The following BNIP3 variants were observed in gnomAD, a reference collection of about 807,000 sequenced individuals.
BNIP3 encodes the protein BCL2/adenovirus E1B 19 kDa protein-interacting protein 3.
A neutral mutation model predicts 23.9 loss-of-function variants in BNIP3; 16 were observed. The ratio of observed to expected loss-of-function variants is 0.67; its 90% CI spans 0.45 to 1.01. The LOEUF (loss-of-function observed/expected upper bound fraction) is 1.01. BNIP3 is among the 50% of genes least tolerant of loss of function. The pLI is 0.00. For missense variants in BNIP3, 198 were observed against 248.7 expected, an observed-to-expected ratio of 0.80 and a Z score of 1.37; for synonymous variants, 81 against 89.3, an observed-to-expected ratio of 0.91 and a Z score of 0.53.
At chr10:131,973,512 G>A (rs771968459) in intron 2 of BNIP3, 5 of 510,632 alleles carry the variant, frequency 9.8e-6, no homozygotes, top group African/African-American at 7.6e-5. Flanking sequence ...CAGCCCCGCT[G>A]AGGCGCGTGA....
chr10:131,977,549 G>A (rs912902337), intron 1 of BNIP3, among the ~76,000 whole-genome samples: 6 of 152,162 alleles, frequency 3.9e-5, no homozygotes, highest in East Asian at 1.9e-4. Context: ...ATCTGGTGTC[G>A]GCTGAGGGCC....
At chr10:131,973,772 C>T in intron 2 of BNIP3, 21 bp downstream of exon 2, 1 of 1,611,360 alleles carries the variant, frequency 6.2e-7, no homozygotes, top group Admixed American at 1.7e-5. Flanking sequence ...GTAACACATA[C>T]ACTTGTTGAT....
At position 131,976,751 on chromosome 10, in the gene BNIP3, C is replaced by G. The variant is rs780553715; in HGVS notation, c.47-2808G>C. 3.3e-5 allele frequency among the ~76,000 whole-genome samples: 5 copies of G among 151,972 alleles called. No individual in the cohort carries two copies. Among genetic ancestry groups the G allele is most frequent in the African/African-American group, 4.8e-5 (2 of 41,380 alleles). ...CCCCTCCCCTCCTAGGAGGGGCTGC[C>G]CTGGGAATTTCTACCTCAAGTAACT... On this transcript the variant is annotated intron_variant, in intron 1 of 5. Coordinates refer to ENST00000368636, the MANE Select transcript of BNIP3 (RefSeq NM_004052.4). This position sits in a 1 kb window ranked among gnomAD's most constrained non-coding sequence, Gnocchi z 4.3.
chr10:131,970,536 C>G lies in BNIP3; in HGVS notation c.539+102G>C, dbSNP rs2037020340. ...TTTGTGAAAATGCACCAAGCTGTAA[C>G]TGATGATCTGGACTTCAGGAAACAG... On this transcript the variant is annotated intron_variant, in intron 5 of 5. Transcript: ENST00000368636. This position sits in a 1 kb window ranked among gnomAD's most constrained non-coding sequence, Gnocchi z 4.1. 3.4e-6 allele frequency: 5 copies of G among 1,449,326 alleles called. No homozygotes were observed. The highest frequency in any genetic ancestry group is 1.9e-6 in the Non-Finnish European group (2 of 1,077,494). 89.8% of individuals were successfully genotyped at this position (1,449,326 alleles called of 1,614,324 possible). A position where few individuals can be genotyped will look rare whatever the true frequency, so the allele number is the denominator to read the frequency against.
chr10:131,971,038 C>T, intron 3 of BNIP3, 68 bp from the exon 4 acceptor site: 1 of 1,424,372 alleles, frequency 7.0e-7, no homozygotes, highest in South Asian at 1.2e-5. Flanking sequence ...ACCCAGCTCC[C>T]ACCCGAGCTT....
rs1482334204 is a variant in BNIP3, at chr10:131,973,531, C to G, written c.197+262G>C. On this transcript the variant is annotated intron_variant, in intron 2 of 5. Transcript: ENST00000368636. The stretch of plus-strand genomic sequence containing the variant: ...CCCGCTGAGGCGCGTGAGTGCGTTT[C>G]TCAGAGTGGGGTTTGTGGCTGTTCC... 3 of 536,100 alleles carry G rather than the reference C, an allele frequency of 5.6e-6. No homozygotes were observed. The African/African-American group carries it at 5.7e-5, about 10-fold the overall frequency. 33.2% of individuals were successfully genotyped at this position (536,100 alleles called of 1,614,324 possible).
intron 2 of BNIP3, chr10:131,973,334 G>A: frequency 3.7e-6 from 2 of 541,190 alleles, no homozygotes; most frequent in Non-Finnish European, 6.6e-6. Context: ...GTCTTCCAGA[G>A]AAGACGCAGG....
In BNIP3 at chr10:131,970,756, C is replaced by T. The variant is rs1451737717; in HGVS notation, c.421G>A (p.Ala141Thr). The T allele has an allele frequency of 6.2e-7, 1 of 1,614,052 alleles. No homozygotes were observed. The highest frequency in any genetic ancestry group is 1.3e-5 in the African/African-American group (1 of 74,924). Residue 141 changes from alanine (A) to threonine (T), a missense_variant, in exon 5 of 6, where the codon GCC becomes ACC. Physicochemically the swap from Ala to Thr is moderately conservative, Grantham distance 58. Transcript: ENST00000368636. This position sits in a 1 kb window ranked among gnomAD's most constrained non-coding sequence, Gnocchi z 4.1. ...EFLFKHPKRT[A>T]TLSMRNTSVM... ...CTCGTGTTCCTCATGCTGAGGGTGG[C>T]CGTGCGCTTCGGGTGTTTAAAGAGG...
At chr10:131,975,061 G>A (rs2037069560) in intron 1 of BNIP3, among the ~76,000 whole-genome samples, 1 of 152,296 alleles carries the variant, frequency 6.6e-6, no homozygotes, top group South Asian at 2.1e-4. Context: ...TTTTAATTCA[G>A]TCAAATGCAG....
chr10:131,967,993 T>C lies in BNIP3; in HGVS notation c.*531A>G, dbSNP rs537730982. 1 of 152,872 alleles carries C rather than the reference T, an allele frequency of 6.5e-6. No homozygotes were observed. The highest frequency in any genetic ancestry group is 2.1e-4 in the South Asian group (1 of 4,846). The allele number at this position is 152,872 out of a possible 1,614,324, so 9.5% of individuals were successfully genotyped here. A position where few individuals can be genotyped will look rare whatever the true frequency, so the allele number is the denominator to read the frequency against. ...GCTCTATCTTGGTTTCTGTTGATTA[T>C]GAACAATTAGCATAGTTATATATAA... is the stretch of plus-strand genomic sequence containing the variant. On this transcript the variant is annotated 3_prime_UTR_variant, in exon 6 of 6. Transcript: ENST00000368636.
rs1396428602 is a variant in BNIP3 at position 131,970,988 on chromosome 10, T to G, written c.283-18A>C. On this transcript the variant is annotated intron_variant, in intron 3 of 5. Transcript: ENST00000368636. The surrounding 1 kb of genome is among the most constrained non-coding windows in gnomAD (Gnocchi z 4.1). ...TCCTCAGACTAAGATAAAGTCAATGTTAAAGGCAGATCAGTGTACCACACG... is the reference window on the plus strand; with the variant it reads ...TCCTCAGACTAAGATAAAGTCAATGGTAAAGGCAGATCAGTGTACCACACG... The G allele has an allele frequency of 6.2e-7, 1 of 1,608,282 alleles. No homozygotes were observed. Among genetic ancestry groups the G allele is most frequent in the Non-Finnish European group, 8.5e-7 (1 of 1,177,158 alleles).
chr10:131,981,915 T>A lies in BNIP3; in HGVS notation c.-109A>T. On this transcript the variant is annotated 5_prime_UTR_variant, in exon 1 of 6. Coordinates refer to ENST00000368636, the MANE Select transcript of BNIP3 (RefSeq NM_004052.4). ...TCGGAGCGCCGCGGCCCAGCTGCGC[T>A]CCCGGACTGAGCGGAGCCCCGCAGC... 5 of 1,273,524 alleles carry A rather than the reference T, an allele frequency of 3.9e-6. No homozygotes were observed. The highest frequency in any genetic ancestry group is 5.1e-6 in the Non-Finnish European group (5 of 989,932). 78.9% of individuals were successfully genotyped at this position (1,273,524 alleles called of 1,614,324 possible).
rs1371840543 is a variant in BNIP3, at chr10:131,976,601, C to G, written c.47-2658G>C. 6.6e-6 allele frequency among the ~76,000 whole-genome samples: 1 copy of G among 152,132 alleles called. No homozygotes were observed. Among genetic ancestry groups the G allele is most frequent in the Non-Finnish European group, 1.5e-5 (1 of 68,022 alleles). On this transcript the variant is annotated intron_variant, in intron 1 of 5. Transcript: ENST00000368636. The surrounding 1 kb of genome is among the most constrained non-coding windows in gnomAD (Gnocchi z 4.3). ...ATACAGCCCAGATCCCCACCTACCC[C>G]ACACGTCCCAACCCTAACCCCAACC...
chr10:131,968,752 T>C (rs1257488905), intron 5 of BNIP3, 183 bp from the exon 6 acceptor site: 2 of 522,710 alleles, frequency 3.8e-6, no homozygotes, highest in South Asian at 2.5e-5. Flanking sequence ...TATCAATATG[T>C]ATTTTGTATT....
In BNIP3 at chr10:131,981,896, C is replaced by G. The variant is rs45541140; in HGVS notation, c.-90G>C. The G allele has an allele frequency of 4.1e-3, 5,542 of 1,346,968 alleles. 174 individuals are homozygous for G. The African/African-American group carries it at 0.066, about 16-fold the overall frequency. The allele number at this position is 1,346,968 out of a possible 1,614,324, so 83.4% of individuals were successfully genotyped here. A position where few individuals can be genotyped will look rare whatever the true frequency, so the allele number is the denominator to read the frequency against. ...GGCGGTGGGAAAGCGGAGGTCGGAG[C>G]GCCGCGGCCCAGCTGCGCTCCCGGA... On this transcript the variant is annotated 5_prime_UTR_variant, in exon 1 of 6. Transcript: ENST00000368636.
chr10:131,981,065 A>G (rs886650699), intron 1 of BNIP3: 1 of 151,988 alleles, frequency 6.6e-6, no homozygotes, highest in Non-Finnish European at 1.5e-5. Flanking sequence ...GAATCTAGCC[A>G]AGGGCACACA....
chr10:131,980,038 G>A (rs750195094), intron 1 of BNIP3, among the ~76,000 whole-genome samples: 3 of 152,230 alleles, frequency 2.0e-5, no homozygotes, highest in Non-Finnish European at 4.4e-5. Context: ...GGACACTCAG[G>A]GCGGCCCAAG....
chr10:131,971,334 GA>G, intron 3 of BNIP3: 1 of 258,924 alleles, frequency 3.9e-6, no homozygotes, highest in Non-Finnish European at 7.5e-6. Flanking sequence ...CTGGTTATAA[GA>G]AAAGAAAATG....
intron 1 of BNIP3, among the ~76,000 whole-genome samples, chr10:131,977,639 A>C (rs951195286): frequency 6.6e-6 from 1 of 152,052 alleles, no homozygotes; most frequent in Non-Finnish European, 1.5e-5. Flanking sequence ...AATCCCATTC[A>C]CTAGAGAGGA....
Sources: gnomAD v4.1 joint callset for allele counts (sites outside exome capture counted in the v4.1 genomes callset) on GRCh38, gnomAD v4.1.1 for gene constraint, Gnocchi (gnomAD v3.1) non-coding constraint, MANE v1.5 for transcripts, NCBI Gene and HGNC (gene_info 2026-07-23, HGNC 2026-07-21) for gene names.